Variants in RIMS1 observed in about 807,000 individuals in gnomAD.
RIMS1 encodes the protein regulating synaptic membrane exocytosis protein 1.
Under a neutral mutation model 214.1 loss-of-function variants are expected in RIMS1, and 83 were observed. The observed-to-expected ratio is 0.39, with a 90% CI of 0.32 to 0.47. RIMS1 has a LOEUF of 0.47. Ranked by LOEUF, RIMS1 falls within the 20% of genes least tolerant of loss-of-function variation. The pLI is 0.99. For synonymous variants in RIMS1, 793 were observed against 786.8 expected (o/e 1.01, Z -0.13); for missense variants, 2,050 against 2,161.8 (o/e 0.95, Z 1.03).
chr6:72,082,422 T>C (rs1309816955), intron 2 of RIMS1, among the ~76,000 whole-genome samples: 1 of 152,126 alleles, frequency 6.6e-6, no homozygotes, highest in Non-Finnish European at 1.5e-5. Flanking sequence ...CCACAGTAGG[T>C]AGGCATTATT....
At chr6:72,309,743 A>G (rs1022050471) in intron 27 of RIMS1, among the ~76,000 whole-genome samples, 1 of 152,086 alleles carries the variant, frequency 6.6e-6, no homozygotes, top group Non-Finnish European at 1.5e-5. Context: ...TATGAGATCA[A>G]AGATATGGTA....
chr6:71,974,590 G>A (rs1401697165), intron 2 of RIMS1, among the ~76,000 whole-genome samples: 8 of 152,144 alleles, frequency 5.3e-5, no homozygotes, highest in Non-Finnish European at 1.2e-4. Context: ...GCAGGAGGTA[G>A]AGAAGATTTG....
At chr6:72,320,291 G>A (rs1332736608) in intron 28 of RIMS1, among the ~76,000 whole-genome samples, 3 of 152,076 alleles carry the variant, frequency 2.0e-5, no homozygotes, top group African/African-American at 4.8e-5. Context: ...AACTAAACGG[G>A]GAGGAGAATT....
intron 6 of RIMS1, chr6:72,217,343 T>C (rs2056590741): frequency 1.8e-6 from 2 of 1,084,640 alleles, no homozygotes; most frequent in Non-Finnish European, 2.6e-6. Flanking sequence ...TCATTTAGAT[T>C]CTATCAGTAG....
chr6:72,290,969 T>C lies in RIMS1; in HGVS notation c.3737+108T>C. 4.3e-6 allele frequency: 4 copies of C among 926,354 alleles called. No homozygotes were observed. In the South Asian group the frequency reaches 7.1e-5, roughly 16 times the overall value. 57.4% of individuals were successfully genotyped at this position (926,354 alleles called of 1,614,324 possible). On this transcript the variant is annotated intron_variant, in intron 25 of 33. Coordinates refer to ENST00000521978, the MANE Select transcript of RIMS1 (RefSeq NM_014989.7). ...CTTTCACTCATTTTGACACCATAAC[T>C]TTTAATCCTTTCTTTGTGACACTTA...
At chr6:72,103,078 T>C (rs963056454) in intron 4 of RIMS1, among the ~76,000 whole-genome samples, 5 of 152,120 alleles carry the variant, frequency 3.3e-5, no homozygotes, top group African/African-American at 1.2e-4. Flanking sequence ...CATAGGTCTA[T>C]ATAGAAAGTT....
chr6:71,933,709 C>A (rs1482046205), intron 1 of RIMS1, among the ~76,000 whole-genome samples: 1 of 151,116 alleles, frequency 6.6e-6, no homozygotes, highest in Non-Finnish European at 1.5e-5. Flanking sequence ...CACACACACA[C>A]ACACACACAA....
chr6:72,123,055 T>C (rs1246924823), intron 4 of RIMS1, among the ~76,000 whole-genome samples: 2 of 151,804 alleles, frequency 1.3e-5, no homozygotes, highest in Non-Finnish European at 2.9e-5. Flanking sequence ...GCTCTTTTAA[T>C]GTGATGTTAG....
intron 29 of RIMS1, among the ~76,000 whole-genome samples, chr6:72,380,539 T>C (rs1160249714): frequency 2.0e-5 from 3 of 152,172 alleles, no homozygotes; most frequent in African/African-American, 7.2e-5. Context: ...TCCAGCTTCA[T>C]CTGAGGTATT....
chr6:71,890,136 T>C (rs1769178837), intron 1 of RIMS1, among the ~76,000 whole-genome samples: 1 of 152,202 alleles, frequency 6.6e-6, no homozygotes, highest in Non-Finnish European at 1.5e-5. Context: ...AAATTACTAG[T>C]TGAATTTGGC....
chr6:72,162,898 G>T (rs2045665251), intron 4 of RIMS1, among the ~76,000 whole-genome samples: 1 of 138,496 alleles, frequency 7.2e-6, no homozygotes, highest in Non-Finnish European at 1.6e-5. Context: ...GTATCTTTGT[G>T]TCATTCTCTG....
At chr6:72,072,669 T>C (rs1245246191) in intron 2 of RIMS1, among the ~76,000 whole-genome samples, 1 of 152,060 alleles carries the variant, frequency 6.6e-6, no homozygotes, top group African/African-American at 2.4e-5. Context: ...TGAAGGGGGT[T>C]ACAAAGATGA....
chr6:71,905,933 C>T (rs771489905), intron 1 of RIMS1, among the ~76,000 whole-genome samples: 1 of 152,160 alleles, frequency 6.6e-6, no homozygotes, highest in Non-Finnish European at 1.5e-5. Context: ...CCTTTTAAAG[C>T]TATGGAGTTT....
intron 24 of RIMS1, among the ~76,000 whole-genome samples, chr6:72,290,182 A>G (rs977177766): frequency 2.0e-5 from 3 of 152,162 alleles, no homozygotes; most frequent in Admixed American, 1.3e-4. Context: ...TGTTTTTGGC[A>G]TAGTCTTGCT....
chr6:72,024,612 A>G (rs1189524622), intron 2 of RIMS1, among the ~76,000 whole-genome samples: 1 of 152,132 alleles, frequency 6.6e-6, no homozygotes, highest in Non-Finnish European at 1.5e-5. Context: ...GGGTCTGCAG[A>G]TGATCACTAG....
rs555795039 is a variant in RIMS1 at position 72,132,000 on chromosome 6, G to A, written c.471+32014G>A. Among the ~76,000 whole-genome samples, 9 of 152,260 alleles carry A rather than the reference G, an allele frequency of 5.9e-5. No homozygotes were observed. The East Asian group carries it at 1.7e-3, about 29-fold the overall frequency. ...AGCTCACTGGCGGTCAGAGTTTAAG[G>A]TTATCTCTCTTGTTCCCTAAACATT... On this transcript the variant is annotated intron_variant, in intron 4 of 33. Transcript: ENST00000521978.
chr6:71,984,932 A>G (rs1006109138), intron 2 of RIMS1, among the ~76,000 whole-genome samples: 1 of 151,796 alleles, frequency 6.6e-6, no homozygotes, highest in Non-Finnish European at 1.5e-5. Context: ...GCACTCCTAC[A>G]CTCTTCCTCC....
Position 72,182,450 on chromosome 6 carries a change from T to G in RIMS1, c.979T>G (p.Tyr327Asp). 1.2e-6 allele frequency: 2 copies of G among 1,613,764 alleles called. No individual in the cohort carries two copies. The highest frequency in any genetic ancestry group is 8.5e-7 in the Non-Finnish European group (1 of 1,179,794). The change falls in exon 6 of 34, where the codon TAC (tyrosine) becomes GAC (aspartate). Residue 327 changes from tyrosine (Y) to aspartate (D), a missense_variant. By Grantham distance (160) the Tyr-to-Asp change is radical. Coordinates refer to ENST00000521978, the MANE Select transcript of RIMS1 (RefSeq NM_014989.7). ...GCTTGAGAAAGGGCGATCACAGGAT[T>G]ACCCAGACACGCCGGAAAAACGGGA... ...RRLEKGRSQD[Y>D]PDTPEKRDEG...
At chr6:72,313,931 T>C (rs2095635958) in intron 28 of RIMS1, among the ~76,000 whole-genome samples, 2 of 152,208 alleles carry the variant, frequency 1.3e-5, no homozygotes, top group Admixed American at 6.5e-5. Context: ...TTCCCTTCCT[T>C]TAGTCCAACA....
Sources: gnomAD v4.1 joint callset for allele counts (sites outside exome capture counted in the v4.1 genomes callset) on GRCh38, gnomAD v4.1.1 for gene constraint, MANE v1.5 for transcripts, NCBI Gene and HGNC (gene_info 2026-07-23, HGNC 2026-07-21) for gene names.